FAM135A: variants seen among roughly 807,000 people sequenced by gnomAD.
FAM135A encodes the protein protein FAM135A.
FAM135A carries 79 observed loss-of-function variants against 146.8 expected under a neutral mutation model. The ratio of observed to expected loss-of-function variants is 0.54; its 90% CI spans 0.45 to 0.65. The LOEUF (loss-of-function observed/expected upper bound fraction) is 0.65, where lower values mean the gene tolerates loss of function less well. Ranked by LOEUF, FAM135A falls within the 30% of genes least tolerant of loss-of-function variation. The pLI, the probability that FAM135A is intolerant of heterozygous loss-of-function variation, is 0.00. For missense variants in FAM135A, 1,623 were observed against 1,758.2 expected (o/e 0.92, Z 1.38); for synonymous variants, 562 against 603.6 (o/e 0.93, Z 1.01).
intron 4 of FAM135A, among the ~76,000 whole-genome samples, chr6:70,440,749 A>G (rs1256001103): frequency 3.3e-5 from 5 of 152,220 alleles, no homozygotes; most frequent in African/African-American, 1.2e-4. Flanking sequence ...CAAAGAAATG[A>G]GAGTCTGGTC....
intron 20 of FAM135A, among the ~76,000 whole-genome samples, chr6:70,541,920 T>G (rs563992610): frequency 6.6e-6 from 1 of 152,326 alleles, no homozygotes; most frequent in South Asian, 2.1e-4. Flanking sequence ...TTTAAAACAT[T>G]TAACCTTCTT....
intron 12 of FAM135A, chr6:70,513,489 G>T (rs761470937): frequency 6.7e-6 from 1 of 150,118 alleles, no homozygotes; most frequent in South Asian, 2.1e-4. Context: ...ATATTGATTC[G>T]GACAATTTGT....
At chr6:70,496,860 T>A (rs531196218) in intron 11 of FAM135A, among the ~76,000 whole-genome samples, 1 of 152,156 alleles carries the variant, frequency 6.6e-6, no homozygotes, top group South Asian at 2.1e-4. Flanking sequence ...GTTCCATTGG[T>A]CTATGTATCT....
chr6:70,428,257 G>A, intron 3 of FAM135A, 47 bp from the exon 4 acceptor site: 3 of 846,328 alleles, frequency 3.5e-6, no homozygotes, highest in Non-Finnish European at 5.5e-6. Context: ...TTATAAGTTG[G>A]CATTTTTGTT....
intron 5 of FAM135A, among the ~76,000 whole-genome samples, chr6:70,466,658 A>G (rs138251687): frequency 9.2e-5 from 14 of 152,216 alleles, no homozygotes; most frequent in African/African-American, 3.4e-4. Context: ...TATCTAACAT[A>G]TGGAACAGAC....
intron 10 of FAM135A, among the ~76,000 whole-genome samples, chr6:70,490,393 G>C (rs1258022341): frequency 1.3e-5 from 2 of 151,762 alleles, no homozygotes; most frequent in Non-Finnish European, 2.9e-5. Flanking sequence ...GTTTTTCCTG[G>C]TAAATATTAT....
At chr6:70,555,663 C>A (rs1025081415) in intron 20 of FAM135A, among the ~76,000 whole-genome samples, 7 of 152,012 alleles carry the variant, frequency 4.6e-5, no homozygotes, top group East Asian at 3.9e-4. Context: ...ATAGATGATT[C>A]CCAAAGTAGT....
chr6:70,419,126 G>A (rs1159629359), intron 2 of FAM135A, among the ~76,000 whole-genome samples: 2 of 152,178 alleles, frequency 1.3e-5, no homozygotes, highest in African/African-American at 4.8e-5. Flanking sequence ...ATTTCTAAGA[G>A]TATTCCTGTT....
At chr6:70,454,541 A>G (rs939763119) in intron 5 of FAM135A, among the ~76,000 whole-genome samples, 2 of 152,108 alleles carry the variant, frequency 1.3e-5, no homozygotes, top group Non-Finnish European at 2.9e-5. Flanking sequence ...ATGGTTTTAG[A>G]TATAATGTTT....
intron 19 of FAM135A, among the ~76,000 whole-genome samples, chr6:70,537,367 T>C (rs1334778827): frequency 6.6e-6 from 1 of 152,208 alleles, no homozygotes; most frequent in East Asian, 1.9e-4. Flanking sequence ...CCTGAAAATC[T>C]TATTGCTATT....
At position 70,524,132 on chromosome 6, in the gene FAM135A, TCTAA is replaced by T; in HGVS notation, c.1258+16_1258+19del. ...ATTCAGTTACTGAAGGTAAGTGTAA[TCTAA>T]CTAAAATATACAAGCTATGTGTATA... On this transcript the variant is annotated intron_variant, in intron 14 of 21. Transcript: ENST00000418814. 6.2e-7 allele frequency: 1 copy of T among 1,601,126 alleles called. No individual in the cohort carries two copies. Among genetic ancestry groups the T allele is most frequent in the Non-Finnish European group, 8.5e-7 (1 of 1,172,140 alleles).
At chr6:70,442,564 T>G (rs1774809986) in intron 4 of FAM135A, among the ~76,000 whole-genome samples, 1 of 152,108 alleles carries the variant, frequency 6.6e-6, no homozygotes, top group African/African-American at 2.4e-5. Flanking sequence ...TTTTTTCTTT[T>G]GAAAATAGAG....
At position 70,481,926 on chromosome 6, in the gene FAM135A, C is replaced by T. The variant is rs1168254296; in HGVS notation, c.670-75C>T. 7 of 1,397,652 alleles carry T rather than the reference C, an allele frequency of 5.0e-6. No individual in the cohort carries two copies. The Admixed American group carries it at 9.8e-5, about 20-fold the overall frequency. 86.6% of individuals were successfully genotyped at this position (1,397,652 alleles called of 1,614,324 possible). On this transcript the variant is annotated intron_variant, in intron 9 of 21. Transcript: ENST00000418814. ...GTTGACAGATGGTTAAGTATTTTTT[C>T]TTTATTTTTCCAAGTTTCACATGTA...
At chr6:70,419,730 T>G (rs965207601) in intron 2 of FAM135A, among the ~76,000 whole-genome samples, 7 of 152,194 alleles carry the variant, frequency 4.6e-5, no homozygotes, top group African/African-American at 1.4e-4. Flanking sequence ...TGCTGTTCCT[T>G]CATTTGGTAT....
intron 20 of FAM135A, among the ~76,000 whole-genome samples, chr6:70,551,348 G>A (rs920489510): frequency 6.6e-6 from 1 of 152,120 alleles, no homozygotes; most frequent in Non-Finnish European, 1.5e-5. Flanking sequence ...GGTGGCTCAC[G>A]CCTGTAATTC....
intron 12 of FAM135A, among the ~76,000 whole-genome samples, chr6:70,514,705 A>G (rs1262265679): frequency 7.3e-6 from 1 of 136,516 alleles, no homozygotes; most frequent in Non-Finnish European, 1.5e-5. Flanking sequence ...AAAACTTCTA[A>G]TTGATGATTC....
intron 2 of FAM135A, 115 bp from the exon 3 acceptor site, chr6:70,426,324 A>C (rs1770141581): frequency 6.6e-6 from 1 of 152,170 alleles, no homozygotes; most frequent in African/African-American, 2.4e-5. Flanking sequence ...TTCGAAGGAC[A>C]TATATCTTTT....
rs1359469765 is a variant in FAM135A, at chr6:70,486,623, A to C, written c.824-4411A>C. Among the ~76,000 whole-genome samples, 4 of 152,140 alleles carry C rather than the reference A, an allele frequency of 2.6e-5. No individual in the cohort carries two copies. The East Asian group carries it at 7.7e-4, about 29-fold the overall frequency. On this transcript the variant is annotated intron_variant, in intron 10 of 21. Coordinates refer to ENST00000418814, the MANE Select transcript of FAM135A (RefSeq NM_001162529.3). The stretch of plus-strand genomic sequence containing the variant: ...TCTTTGGCTAGGCCTAGTGATAATG[A>C]AATGTGATTTTAAAACTAAACCAGG...
chr6:70,505,355 A>G (rs1789518401), intron 12 of FAM135A, among the ~76,000 whole-genome samples: 1 of 152,154 alleles, frequency 6.6e-6, no homozygotes, highest in African/African-American at 2.4e-5. Flanking sequence ...TCAGGAACAC[A>G]TTGAATTCAG....
Sources: gnomAD v4.1 joint callset for allele counts (sites outside exome capture counted in the v4.1 genomes callset) on GRCh38, gnomAD v4.1.1 for gene constraint, MANE v1.5 for transcripts, NCBI Gene and HGNC (gene_info 2026-07-23, HGNC 2026-07-21) for gene names.